Variants in POLR1D observed in about 807,000 individuals in gnomAD.
POLR1D encodes the protein RNA polymerase I and III subunit D.
A neutral mutation model predicts 10.8 loss-of-function variants in POLR1D; 8 were observed. The observed-to-expected ratio is 0.74, with a 90% confidence interval of 0.43 to 1.33. POLR1D has a LOEUF of 1.33. Among genes scored for constraint, POLR1D ranks in the 40% most tolerant of loss-of-function variants. The pLI is 0.01. For missense variants in POLR1D, 152 were observed against 161.7 expected (o/e 0.94, Z 0.32); for synonymous variants, 54 against 57.2 (o/e 0.94, Z 0.25).
chr13:27,623,342 T>C lies in POLR1D; in HGVS notation c.*92T>C. On this transcript the variant is annotated 3_prime_UTR_variant, in exon 2 of 2. Transcript: ENST00000302979. ...GAATTAGAAGTTTGTGGTTACAGCA[T>C]ACTCTGTCCTTCAGAAAGGCGTGAT... The C allele has an allele frequency of 3.2e-6, 5 of 1,580,244 alleles. No homozygotes were observed. The highest frequency in any genetic ancestry group is 4.3e-6 in the Non-Finnish European group (5 of 1,163,926).
At chr13:27,645,920 A>G (rs762360845) in intron 1 of POLR1D, among the ~76,000 whole-genome samples, 2 of 152,206 alleles carry the variant, frequency 1.3e-5, no homozygotes, top group Non-Finnish European at 2.9e-5. Context: ...GTCACTGTCA[A>G]ACTTCAAGCT....
chr13:27,665,529 C>G lies in POLR1D; in HGVS notation c.102-157C>G. On this transcript the variant is annotated intron_variant, in intron 2 of 2. Coordinates refer to the POLR1D transcript ENST00000399697. Reference sequence around the variant, plus strand: ...GTCTTTTTTTTTCCTCCCTGGTACTCAGAGTTTACACTAGGTGGCATGCAA... The same window carrying G: ...GTCTTTTTTTTTCCTCCCTGGTACTGAGAGTTTACACTAGGTGGCATGCAA... The G allele has an allele frequency of 7.3e-6, 5 of 689,592 alleles. 2 individuals are homozygous for G. The South Asian group carries it at 8.2e-5, about 11-fold the overall frequency. 42.7% of individuals were successfully genotyped at this position (689,592 alleles called of 1,614,324 possible). A position where few individuals can be genotyped will look rare whatever the true frequency, so the allele number is the denominator to read the frequency against.
At chr13:27,628,022 CA>C (rs1379525028), downstream of POLR1D, among the ~76,000 whole-genome samples, 1 of 152,152 alleles carries the variant, frequency 6.6e-6, no homozygotes, top group Non-Finnish European at 1.5e-5. Context: ...CCCTCACAAC[CA>C]AAAACCAGTA....
intron 2 of POLR1D, among the ~76,000 whole-genome samples, chr13:27,652,189 G>C (rs1956272581): frequency 6.6e-6 from 1 of 152,226 alleles, no homozygotes; most frequent in Non-Finnish European, 1.5e-5. Flanking sequence ...TTCTTGCTCT[G>C]TAAGGAGCGT....
At chr13:27,623,451 T>TGGTTTCTGTTCCATGCAAACCAAACC, downstream of POLR1D, 1 of 1,186,964 alleles carries the variant, frequency 8.4e-7, no homozygotes, top group Non-Finnish European at 1.1e-6. Context: ...TTATTTAAAC[T>TGGTTTCTGTTCCATGCAAACCAAACC]AGTTTGACTG....
chr13:27,628,088 G>T (rs898442725), downstream of POLR1D, among the ~76,000 whole-genome samples: 3 of 152,130 alleles, frequency 2.0e-5, no homozygotes, highest in Admixed American at 6.6e-5. Context: ...GGGAGTTAGT[G>T]GGTGCAACCA....
At chr13:27,659,324 TGC>T in intron 2 of POLR1D, among the ~76,000 whole-genome samples, 1 of 152,274 alleles carries the variant, frequency 6.6e-6, no homozygotes, top group East Asian at 1.9e-4. Flanking sequence ...CAGTGTGGCA[TGC>T]CACACTGACT....
chr13:27,637,627 C>T (rs1956137331), intron 1 of POLR1D, among the ~76,000 whole-genome samples: 1 of 152,126 alleles, frequency 6.6e-6, no homozygotes, highest in Non-Finnish European at 1.5e-5. Context: ...TTTCCCAAAA[C>T]ACTTGTATAT....
intron 2 of POLR1D, among the ~76,000 whole-genome samples, chr13:27,656,114 C>T (rs1956306567): frequency 6.6e-6 from 1 of 152,042 alleles, no homozygotes; most frequent in Admixed American, 6.6e-5. Context: ...CCTCCCTCAG[C>T]CAGGCACAAA....
upstream of POLR1D, chr13:27,621,847 GCTC>G (rs1183567969): frequency 3.4e-6 from 3 of 885,750 alleles, no homozygotes; most frequent in Non-Finnish European, 5.5e-6. Context: ...CGCCGCTGCG[GCTC>G]CTCCTCCCTC....
intron 2 of POLR1D, among the ~76,000 whole-genome samples, chr13:27,662,001 A>T (rs1401530432): frequency 6.6e-6 from 1 of 152,250 alleles, no homozygotes; most frequent in African/African-American, 2.4e-5. Flanking sequence ...CCATGTTAAA[A>T]GTACCAAAAC....
exon 3 of POLR1D, chr13:27,666,277 G>T: frequency 3.8e-6 from 1 of 261,542 alleles, no homozygotes; most frequent in East Asian, 7.0e-5. Flanking sequence ...GTTAAAACTG[G>T]TTCCAATTTT....
intron 1 of POLR1D, among the ~76,000 whole-genome samples, chr13:27,638,854 T>C (rs140936454): frequency 2.8e-3 from 433 of 152,252 alleles, no homozygotes; most frequent in African/African-American, 9.6e-3. Flanking sequence ...TTCTGGTATG[T>C]GGTGTGTTTA....
At chr13:27,652,814 C>T (rs1433140825) in intron 2 of POLR1D, among the ~76,000 whole-genome samples, 1 of 150,042 alleles carries the variant, frequency 6.7e-6, no homozygotes, top group African/African-American at 2.5e-5. Context: ...TTACAGTAAG[C>T]CGAGATCACA....
upstream of POLR1D, chr13:27,621,236 G>A (rs1310343673): frequency 6.6e-6 from 1 of 152,628 alleles, no homozygotes; most frequent in African/African-American, 2.4e-5. Context: ...TCTGGGGGTA[G>A]AAGGAATCCT....
chr13:27,625,275 G>A (rs549269370), downstream of POLR1D, among the ~76,000 whole-genome samples: 22 of 152,162 alleles, frequency 1.4e-4, no homozygotes, highest in Non-Finnish European at 2.8e-4. Flanking sequence ...AGAGTGGGGG[G>A]AGATGAATTA....
At chr13:27,665,978 C>G (rs773170037) in exon 3 of POLR1D, 1 of 1,611,596 alleles carries the variant, frequency 6.2e-7, no homozygotes, top group Non-Finnish European at 8.5e-7. Flanking sequence ...CCAGCCAGCC[C>G]TGCGGGCCTC....
chr13:27,666,534 A>G (rs1206996759), exon 3 of POLR1D: 1 of 152,306 alleles, frequency 6.6e-6, no homozygotes, highest in Non-Finnish European at 1.5e-5. Context: ...ACCAGAGGTT[A>G]AAAATGGGTT....
At chr13:27,656,019 TAAAAAC>T (rs1956305697) in intron 2 of POLR1D, among the ~76,000 whole-genome samples, 1 of 144,736 alleles carries the variant, frequency 6.9e-6, no homozygotes, top group Non-Finnish European at 1.6e-5. Context: ...TACTGAAAAT[TAAAAAC>T]TAAACATACA....
Sources: gnomAD v4.1 joint callset for allele counts (sites outside exome capture counted in the v4.1 genomes callset) on GRCh38, gnomAD v4.1.1 for gene constraint, MANE v1.5 for transcripts, NCBI Gene and HGNC (gene_info 2026-07-23, HGNC 2026-07-21) for gene names.